The following EHBP1 variants were observed in gnomAD, a reference collection of about 807,000 sequenced individuals.
EHBP1 encodes EH domain binding protein 1, also known as EH domain-binding protein 1.
A neutral mutation model predicts 144.0 loss-of-function variants in EHBP1; 55 were observed. The observed-to-expected ratio is 0.38, with a 90% CI of 0.31 to 0.48. The LOEUF (loss-of-function observed/expected upper bound fraction) is 0.48, where lower values mean the gene tolerates loss of function less well. EHBP1 is among the 20% of genes least tolerant of loss of function. EHBP1 has a pLI of 0.98. For missense variants in EHBP1, 1,200 were observed against 1,364.2 expected, an observed-to-expected ratio of 0.88 and a Z score of 1.90; for synonymous variants, 469 against 472.7, an observed-to-expected ratio of 0.99 and a Z score of 0.10.
intron 7 of EHBP1, among the ~76,000 whole-genome samples, chr2:62,847,017 C>A (rs1156554464): frequency 1.3e-5 from 2 of 151,866 alleles, no homozygotes; most frequent in African/African-American, 4.8e-5. Flanking sequence ...GCAAAGTAAC[C>A]AAAAGAATAT....
At chr2:62,996,335 AT>A (rs1218460262) in intron 18 of EHBP1, among the ~76,000 whole-genome samples, 49 of 152,172 alleles carry the variant, frequency 3.2e-4, no homozygotes, top group Non-Finnish European at 1.8e-4. Context: ...CCATGCTTAA[AT>A]AACTCTGACT....
At chr2:62,801,696 T>C (rs1196571138) in intron 5 of EHBP1, among the ~76,000 whole-genome samples, 1 of 152,240 alleles carries the variant, frequency 6.6e-6, no homozygotes, top group Non-Finnish European at 1.5e-5. Context: ...ATAATTAAAC[T>C]AAATTTTGTT....
At chr2:62,990,950 A>G in intron 16 of EHBP1, 110 bp downstream of exon 16, 2 of 1,341,768 alleles carry the variant, frequency 1.5e-6, no homozygotes, top group Non-Finnish European at 2.0e-6. Context: ...ACCAATATTA[A>G]GATTAGGGTA....
chr2:62,883,744 G>T (rs1032515511), intron 10 of EHBP1, among the ~76,000 whole-genome samples: 5 of 152,134 alleles, frequency 3.3e-5, no homozygotes, highest in African/African-American at 1.2e-4. Flanking sequence ...CAGGAGGATT[G>T]CTTGAGCCTA....
intron 10 of EHBP1, among the ~76,000 whole-genome samples, chr2:62,897,336 A>G (rs1450026887): frequency 1.3e-5 from 2 of 152,196 alleles, no homozygotes; most frequent in African/African-American, 4.8e-5. Flanking sequence ...TGGATGTACT[A>G]TAATTTATTT....
intron 1 of EHBP1, among the ~76,000 whole-genome samples, chr2:62,680,463 T>C (rs938018304): frequency 1.3e-5 from 2 of 152,180 alleles, no homozygotes; most frequent in African/African-American, 4.8e-5. Context: ...TTTCTTGCAA[T>C]GTTTGATAAA....
chr2:62,852,153 A>G (rs1558793264), intron 7 of EHBP1, among the ~76,000 whole-genome samples: 2 of 152,100 alleles, frequency 1.3e-5, no homozygotes, highest in African/African-American at 2.4e-5. Context: ...TAAATGATTG[A>G]TTTCTTCTCT....
chr2:62,741,979 A>AT (rs1171616366), intron 2 of EHBP1, among the ~76,000 whole-genome samples: 2 of 152,058 alleles, frequency 1.3e-5, no homozygotes, highest in African/African-American at 4.8e-5. Flanking sequence ...ATAATACTGT[A>AT]TTTTTTACTG....
At chr2:62,700,913 G>C (rs2034261960), upstream of EHBP1, among the ~76,000 whole-genome samples, 1 of 152,036 alleles carries the variant, frequency 6.6e-6, no homozygotes, top group Admixed American at 6.5e-5. Flanking sequence ...TAAGGGTCTT[G>C]CCACCTCCCC....
intron 5 of EHBP1, among the ~76,000 whole-genome samples, chr2:62,781,575 T>A (rs564899341): frequency 1.1e-4 from 17 of 152,350 alleles, no homozygotes; most frequent in African/African-American, 4.1e-4. Context: ...GGAGATTAAG[T>A]ACTTTTGATA....
intron 7 of EHBP1, among the ~76,000 whole-genome samples, chr2:62,855,602 A>T (rs569430849): frequency 6.6e-6 from 1 of 152,086 alleles, no homozygotes; most frequent in Non-Finnish European, 1.5e-5. Flanking sequence ...TCAGCATGCA[A>T]TTCCTCTTCT....
intron 10 of EHBP1, among the ~76,000 whole-genome samples, chr2:62,892,234 T>A (rs1286019725): frequency 6.6e-6 from 1 of 152,164 alleles, no homozygotes; most frequent in Non-Finnish European, 1.5e-5. Context: ...GAAACGAAAT[T>A]GTTTAGTGTT....
chr2:62,691,883 C>A (rs545014306), intron 1 of EHBP1, among the ~76,000 whole-genome samples: 2 of 152,004 alleles, frequency 1.3e-5, no homozygotes, highest in South Asian at 2.1e-4. Flanking sequence ...CTTTCTATAT[C>A]GTTTTATTTT....
chr2:62,931,891 T>C (rs1470311413), intron 10 of EHBP1, among the ~76,000 whole-genome samples: 1 of 152,086 alleles, frequency 6.6e-6, no homozygotes, highest in Non-Finnish European at 1.5e-5. Flanking sequence ...TCTTAGAACA[T>C]ATTCCCATCA....
intron 2 of EHBP1, among the ~76,000 whole-genome samples, chr2:62,746,392 A>T (rs1256242212): frequency 6.6e-6 from 1 of 151,946 alleles, no homozygotes; most frequent in African/African-American, 2.4e-5. Context: ...GTGTGTGTAT[A>T]TATATATATG....
chr2:63,024,509 G>A (rs1364482944), intron 19 of EHBP1, among the ~76,000 whole-genome samples: 1 of 151,140 alleles, frequency 6.6e-6, no homozygotes, highest in African/African-American at 2.4e-5. Context: ...GCCTGAGGCA[G>A]GAGGATTGCC....
At chr2:62,885,043 A>T (rs1425102745) in intron 10 of EHBP1, among the ~76,000 whole-genome samples, 1 of 152,246 alleles carries the variant, frequency 6.6e-6, no homozygotes, top group Non-Finnish European at 1.5e-5. Context: ...GGCTCAAATT[A>T]TAGTTGAATA....
chr2:62,689,449 C>A (rs544616197), intron 1 of EHBP1, among the ~76,000 whole-genome samples: 2 of 152,278 alleles, frequency 1.3e-5, no homozygotes, highest in South Asian at 4.1e-4. Context: ...TCAAGACCTG[C>A]CTGGGCAACA....
chr2:62,950,649 G>A (rs1389969527), intron 13 of EHBP1, among the ~76,000 whole-genome samples: 1 of 151,822 alleles, frequency 6.6e-6, no homozygotes, highest in East Asian at 1.9e-4. Context: ...GCATATATGG[G>A]GATTTCGAGA....
Sources: gnomAD v4.1 joint callset for allele counts (sites outside exome capture counted in the v4.1 genomes callset) on GRCh38, gnomAD v4.1.1 for gene constraint, MANE v1.5 for transcripts, NCBI Gene and HGNC (gene_info 2026-07-23, HGNC 2026-07-21) for gene names.